The following BCAT1 variants were observed in gnomAD, a reference collection of about 807,000 sequenced individuals.
BCAT1 encodes the protein branched chain amino acid transaminase 1, also known as branched-chain-amino-acid aminotransferase, cytosolic.
In BCAT1, 48 loss-of-function variants were observed where a neutral mutation model predicts 52.4. The ratio of observed to expected loss-of-function variants is 0.92; its 90% CI spans 0.73 to 1.16. BCAT1 has a LOEUF of 1.16. Ranked by LOEUF, BCAT1 falls within the 50% of genes most tolerant of loss-of-function variation. BCAT1 has a pLI of 0.00. For synonymous variants in BCAT1, 167 were observed against 161.3 expected, an observed-to-expected ratio of 1.04 and a Z score of -0.27; for missense variants, 451 against 457.1, an observed-to-expected ratio of 0.99 and a Z score of 0.12.
chr12:24,888,259 G>A (rs779316483), intron 3 of BCAT1, among the ~76,000 whole-genome samples: 5 of 152,066 alleles, frequency 3.3e-5, no homozygotes, highest in African/African-American at 7.2e-5. Context: ...CTGTAATCTC[G>A]GCACTGAGGC....
intron 1 of BCAT1, among the ~76,000 whole-genome samples, chr12:24,932,827 T>C (rs1943695174): frequency 6.6e-6 from 1 of 151,890 alleles, no homozygotes; most frequent in African/African-American, 2.4e-5. Flanking sequence ...TTTGTTTTGT[T>C]TTGAGATGGA....
intron 6 of BCAT1, among the ~76,000 whole-genome samples, chr12:24,846,323 G>C (rs1388895089): frequency 1.3e-5 from 2 of 152,156 alleles, no homozygotes; most frequent in Non-Finnish European, 2.9e-5. Flanking sequence ...TCTCTCACAG[G>C]TGTAAGCTGT....
In BCAT1 at chr12:24,829,808, A is replaced by C. The variant is rs1940574717; in HGVS notation, c.1119+15T>G. The C allele has an allele frequency of 6.3e-7, 1 of 1,585,638 alleles. No homozygotes were observed. On this transcript the variant is annotated intron_variant, in intron 10 of 10. Coordinates refer to ENST00000261192, the MANE Select transcript of BCAT1 (RefSeq NM_005504.7). The stretch of plus-strand genomic sequence containing the variant: ...AAAGAAAAGGAAAGAAAAGAAAAGA[A>C]AAGAAAAGCTTTACCTGGATATCAG...
At chr12:24,931,767 C>T (rs971466148) in intron 1 of BCAT1, among the ~76,000 whole-genome samples, 3 of 152,170 alleles carry the variant, frequency 2.0e-5, no homozygotes, top group African/African-American at 7.2e-5. Flanking sequence ...CACTCTTTAT[C>T]TAAAAACAAC....
rs1939876398 is a variant in BCAT1, at chr12:24,816,392, G to A, written c.*1616C>T. The stretch of plus-strand genomic sequence containing the variant: ...GAGAGTTGACCTTCCAAGGAAAAAT[G>A]TTTTCTGTCAAGATTTGACTTTCCT... On this transcript the variant is annotated 3_prime_UTR_variant, in exon 11 of 11. Coordinates refer to ENST00000261192, the MANE Select transcript of BCAT1 (RefSeq NM_005504.7). The A allele has an allele frequency of 2.5e-6, 1 of 396,768 alleles. No homozygotes were observed. The highest frequency in any genetic ancestry group is 2.1e-5 in the African/African-American group (1 of 48,632). 24.6% of individuals were successfully genotyped at this position (396,768 alleles called of 1,614,324 possible). A position where few individuals can be genotyped will look rare whatever the true frequency, so the allele number is the denominator to read the frequency against.
chr12:24,869,951 AAAG>A (rs1312145966), intron 5 of BCAT1, among the ~76,000 whole-genome samples: 2 of 152,142 alleles, frequency 1.3e-5, no homozygotes, highest in Non-Finnish European at 2.9e-5. Context: ...AATTTTGTAA[AAAG>A]AGAGATAATG....
In BCAT1 at chr12:24,858,621, G is replaced by A. The variant is rs1269606645; in HGVS notation, c.511-8672C>T. Among the ~76,000 whole-genome samples, 6 of 152,148 alleles carry A rather than the reference G, an allele frequency of 3.9e-5. 1 individual carries two copies. In the South Asian group the frequency reaches 1.2e-3, roughly 31 times the overall value. ...TCAGACCTTATCTGCACTTCTGTCT[G>A]GCGTCCTAGGCTCCACACCTGGTAC... On this transcript the variant is annotated intron_variant, in intron 5 of 10. Transcript: ENST00000261192.
At chr12:24,901,793 A>G in intron 2 of BCAT1, 21 bp downstream of exon 2, 6 of 1,610,876 alleles carry the variant, frequency 3.7e-6, no homozygotes, top group Non-Finnish European at 5.1e-6. Context: ...TTAGACACTA[A>G]GCCTCTGGCA....
At chr12:24,862,921 C>T (rs1017673128) in intron 5 of BCAT1, among the ~76,000 whole-genome samples, 15 of 152,100 alleles carry the variant, frequency 9.9e-5, no homozygotes, top group Non-Finnish European at 2.9e-5. Flanking sequence ...TAGTTCTAGC[C>T]AATAAACTAA....
chr12:24,842,828 C>A (rs949347350), intron 6 of BCAT1, among the ~76,000 whole-genome samples: 5 of 152,154 alleles, frequency 3.3e-5, no homozygotes, highest in Admixed American at 3.3e-4. Flanking sequence ...TCTCAGCCTG[C>A]ACCATTCATC....
At chr12:24,916,780 C>A (rs1478240319) in intron 1 of BCAT1, among the ~76,000 whole-genome samples, 2 of 152,200 alleles carry the variant, frequency 1.3e-5, no homozygotes, top group Non-Finnish European at 2.9e-5. Flanking sequence ...ACCTTGTGAT[C>A]CACCGGCCTC....
intron 7 of BCAT1, among the ~76,000 whole-genome samples, chr12:24,841,519 C>T (rs1218303569): frequency 6.6e-6 from 1 of 152,108 alleles, no homozygotes; most frequent in Non-Finnish European, 1.5e-5. Context: ...ACTTAAATCC[C>T]TTAATGTGAC....
upstream of BCAT1, chr12:24,949,185 C>T (rs1476733676): frequency 1.1e-5 from 6 of 537,468 alleles, no homozygotes; most frequent in Non-Finnish European, 1.6e-5. Context: ...CCAGGCCGCC[C>T]CCAGATGGTG....
chr12:24,891,926 T>A (rs1373245768), intron 3 of BCAT1, among the ~76,000 whole-genome samples: 1 of 151,474 alleles, frequency 6.6e-6, no homozygotes, highest in Non-Finnish European at 1.5e-5. Flanking sequence ...TTTTTTTTTT[T>A]TTTTCTATTT....
chr12:24,852,513 C>A (rs992871764), intron 5 of BCAT1, among the ~76,000 whole-genome samples: 3 of 152,120 alleles, frequency 2.0e-5, no homozygotes, highest in African/African-American at 7.2e-5. Context: ...AAAGAAGTAA[C>A]AATAACGTGT....
intron 5 of BCAT1, among the ~76,000 whole-genome samples, chr12:24,853,311 G>T (rs1941571099): frequency 6.6e-6 from 1 of 152,200 alleles, no homozygotes; most frequent in Non-Finnish European, 1.5e-5. Flanking sequence ...CACAGCTGCA[G>T]CTGGAGTCTC....
chr12:24,920,873 CACTT>C (rs1287437775), intron 1 of BCAT1, among the ~76,000 whole-genome samples: 4 of 152,302 alleles, frequency 2.6e-5, no homozygotes, highest in South Asian at 2.1e-4. Flanking sequence ...CTGAGGAAGA[CACTT>C]ACATCTACCA....
intron 1 of BCAT1, among the ~76,000 whole-genome samples, chr12:24,912,210 A>C (rs1394269511): frequency 1.3e-5 from 2 of 152,188 alleles, no homozygotes; most frequent in African/African-American, 4.8e-5. Flanking sequence ...TAAATACATG[A>C]TAAATATAAA....
At position 24,817,973 on chromosome 12, in the gene BCAT1, A is replaced by G. The variant is rs543500903; in HGVS notation, c.*35T>C. 2 of 1,603,646 alleles carry G rather than the reference A, an allele frequency of 1.2e-6. No individual in the cohort carries two copies. Among genetic ancestry groups the G allele is most frequent in the African/African-American group, 2.7e-5 (2 of 74,778 alleles). The stretch of plus-strand genomic sequence containing the variant: ...TCTGTCCCAGTAGCATACAGTTGGT[A>G]TCCTCTATTTTCCATTGTATCCTCT... On this transcript the variant is annotated 3_prime_UTR_variant, in exon 11 of 11. Transcript: ENST00000261192.
Sources: allele counts gnomAD v4.1 joint callset (sites outside exome capture counted in the v4.1 genomes callset), GRCh38; gene constraint gnomAD v4.1.1; transcripts MANE v1.5; gene names NCBI Gene and HGNC (gene_info 2026-07-23, HGNC 2026-07-21).